The following CTNNA2 variants were observed in gnomAD, a reference collection of about 807,000 sequenced individuals.
CTNNA2 encodes catenin alpha 2.
A neutral mutation model predicts 101.0 loss-of-function variants in CTNNA2; 42 were observed. That is an observed-to-expected ratio of 0.42 (90% CI 0.32 to 0.54). CTNNA2 has a LOEUF of 0.54. CTNNA2 is among the 20% of genes least tolerant of loss of function. The pLI, the probability that CTNNA2 is intolerant of heterozygous loss-of-function variation, is 0.14. For missense variants in CTNNA2, 871 were observed against 1,223.1 expected (o/e 0.71, Z 4.29); for synonymous variants, 450 against 456.4 (o/e 0.99, Z 0.18).
intron 7 of CTNNA2, among the ~76,000 whole-genome samples, chr2:80,110,981 C>T (rs1043148668): frequency 5.9e-5 from 9 of 152,116 alleles, no homozygotes; most frequent in Admixed American, 3.9e-4. Context: ...AACTTATGAT[C>T]GTGGTGGAAG....
At chr2:79,240,199 T>C (rs570414298) in intron 2 of CTNNA2, among the ~76,000 whole-genome samples, 2 of 151,764 alleles carry the variant, frequency 1.3e-5, no homozygotes, top group South Asian at 2.1e-4. Context: ...TGAGCCACCA[T>C]GCTTGGCACA....
chr2:79,837,214 A>G (rs1201180681), intron 3 of CTNNA2, among the ~76,000 whole-genome samples: 1 of 152,192 alleles, frequency 6.6e-6, no homozygotes, highest in Non-Finnish European at 1.5e-5. Flanking sequence ...AAGGAGAGTC[A>G]GTCTGAGTTC....
At chr2:80,417,591 T>TTTTC (rs1680155492) in intron 8 of CTNNA2, among the ~76,000 whole-genome samples, 1 of 151,928 alleles carries the variant, frequency 6.6e-6, no homozygotes, top group African/African-American at 2.4e-5. Flanking sequence ...TTTCAAATGA[T>TTTTC]TTTCTTTTAT....
At chr2:80,185,728 G>GA (rs1706081752) in intron 7 of CTNNA2, among the ~76,000 whole-genome samples, 2 of 152,306 alleles carry the variant, frequency 1.3e-5, no homozygotes, top group Admixed American at 1.3e-4. Flanking sequence ...AACCTTTGGT[G>GA]AATGGCTGCC....
intron 4 of CTNNA2, among the ~76,000 whole-genome samples, chr2:79,449,641 C>T (rs1003411468): frequency 4.7e-4 from 71 of 151,976 alleles, no homozygotes; most frequent in Admixed American, 4.3e-3. Flanking sequence ...GTGTTTTTAT[C>T]ACTACATATT....
intron 15 of CTNNA2, among the ~76,000 whole-genome samples, chr2:80,596,201 G>T (rs1488564757): frequency 2.3e-5 from 3 of 133,320 alleles, no homozygotes; most frequent in African/African-American, 8.3e-5. Context: ...TGTGATTTTT[G>T]CACATTGATT....
chr2:79,588,670 A>G (rs1278971357), intron 1 of CTNNA2, among the ~76,000 whole-genome samples: 1 of 152,206 alleles, frequency 6.6e-6, no homozygotes, highest in African/African-American at 2.4e-5. Flanking sequence ...GAAAAAAGCC[A>G]GAATAATCAC....
chr2:79,219,681 A>C (rs1674317208), intron 2 of CTNNA2, among the ~76,000 whole-genome samples: 1 of 152,194 alleles, frequency 6.6e-6, no homozygotes, highest in East Asian at 1.9e-4. Flanking sequence ...TGGATCATAA[A>C]AGCTCAATTC....
chr2:80,393,360 G>A lies in CTNNA2; in HGVS notation c.1137+69G>A, dbSNP rs185044701. The A allele has an allele frequency of 5.3e-6, 6 of 1,132,010 alleles. No homozygotes were observed. The African/African-American group carries it at 6.3e-5, about 12-fold the overall frequency. 70.1% of individuals were successfully genotyped at this position (1,132,010 alleles called of 1,614,324 possible). ...TGGTTTCCAACAATATCCTTTTCCA[G>A]GGTGTCTTCTTGGAGATGACAATGA... On this transcript the variant is annotated intron_variant, in intron 8 of 18. Transcript: ENST00000402739.
intron 3 of CTNNA2, among the ~76,000 whole-genome samples, chr2:79,774,479 T>C (rs1220841370): frequency 6.6e-6 from 1 of 152,168 alleles, no homozygotes; most frequent in Non-Finnish European, 1.5e-5. Flanking sequence ...ATTGTTTTAA[T>C]GCAGCAATAT....
chr2:79,883,912 A>T (rs1683643908), intron 6 of CTNNA2, among the ~76,000 whole-genome samples: 1 of 152,182 alleles, frequency 6.6e-6, no homozygotes, highest in Non-Finnish European at 1.5e-5. Context: ...AAATTTTGCC[A>T]GAAAATAAGC....
intron 1 of CTNNA2, among the ~76,000 whole-genome samples, chr2:79,626,609 G>A (rs185153170): frequency 4.0e-4 from 53 of 131,830 alleles, no homozygotes; most frequent in African/African-American, 1.6e-3. Context: ...GTATGTGCGT[G>A]TGTGTGTGTA....
chr2:79,438,938 T>C (rs969594134), intron 4 of CTNNA2, among the ~76,000 whole-genome samples: 9 of 152,180 alleles, frequency 5.9e-5, no homozygotes, highest in Admixed American at 2.0e-4. Context: ...GGCAAGGATG[T>C]GAAGAAACTG....
intron 5 of CTNNA2, among the ~76,000 whole-genome samples, chr2:79,871,663 ACCT>A (rs1682591889): frequency 6.6e-6 from 1 of 152,090 alleles, no homozygotes; most frequent in Admixed American, 6.6e-5. Flanking sequence ...CATGCCAGTC[ACCT>A]CCTAAAACAC....
rs1277948346 is a variant in CTNNA2, at chr2:79,858,089, G to C, written c.375G>C (p.Arg125=). 6.2e-7 allele frequency: 1 copy of C among 1,613,960 alleles called. No homozygotes were observed. The change falls in exon 4 of 19, where the codon CGG becomes CGC. Residue 125 remains arginine (R), a synonymous_variant. Transcript: ENST00000402739. ...CSSVKRGTMV[R]AARALLSAVT... is the part of the protein sequence containing the mutation. Reference sequence around the variant, plus strand: ...CGGTAAAGCGCGGCACCATGGTACGGGCGGCAAGGGCTTTGCTCTCCGCGG... The same window carrying C: ...CGGTAAAGCGCGGCACCATGGTACGCGCGGCAAGGGCTTTGCTCTCCGCGG...
intron 2 of CTNNA2, among the ~76,000 whole-genome samples, chr2:79,220,050 G>A (rs1674321418): frequency 6.6e-6 from 1 of 152,068 alleles, no homozygotes; most frequent in East Asian, 1.9e-4. Context: ...ATTTTTGTTA[G>A]AGTTTTGTTG....
intron 7 of CTNNA2, among the ~76,000 whole-genome samples, chr2:79,956,273 T>A (rs913395920): frequency 2.6e-5 from 4 of 152,176 alleles, no homozygotes; most frequent in African/African-American, 4.8e-5. Flanking sequence ...CAATTTCTGC[T>A]TGTGTTTTAT....
At chr2:79,619,833 TC>T (rs1410423028) in intron 1 of CTNNA2, among the ~76,000 whole-genome samples, 2 of 152,138 alleles carry the variant, frequency 1.3e-5, no homozygotes, top group African/African-American at 4.8e-5. Context: ...ATTCACATTT[TC>T]CCCACTGCAG....
intron 7 of CTNNA2, among the ~76,000 whole-genome samples, chr2:80,375,535 T>G (rs1441685093): frequency 6.6e-6 from 1 of 150,924 alleles, no homozygotes; most frequent in Non-Finnish European, 1.5e-5. Flanking sequence ...GACTTTTTAC[T>G]ACCTTTTGAT....
Sources: allele counts gnomAD v4.1 joint callset (sites outside exome capture counted in the v4.1 genomes callset), GRCh38; gene constraint gnomAD v4.1.1; transcripts MANE v1.5; gene names NCBI Gene and HGNC (gene_info 2026-07-23, HGNC 2026-07-21).